The following SLC35D2 variants were observed in gnomAD, a reference collection of about 807,000 sequenced individuals.
SLC35D2 encodes solute carrier family 35 member D2, also known as nucleotide sugar transporter SLC35D2.
A neutral mutation model predicts 41.8 loss-of-function variants in SLC35D2; 43 were observed. The ratio of observed to expected loss-of-function variants is 1.03; its 90% CI spans 0.81 to 1.33. SLC35D2 has a LOEUF of 1.33. SLC35D2 is among the 40% of genes most tolerant of loss of function. SLC35D2 has a pLI of 0.00. For missense variants in SLC35D2, 380 were observed against 408.4 expected (o/e 0.93, Z 0.60); for synonymous variants, 150 against 163.9 (o/e 0.92, Z 0.65).
At chr9:96,324,947 A>G (rs1329137576) in intron 9 of SLC35D2, among the ~76,000 whole-genome samples, 2 of 152,136 alleles carry the variant, frequency 1.3e-5, no homozygotes, top group African/African-American at 4.8e-5. Flanking sequence ...GCACGATATG[A>G]AAGATCCTCA....
intron 8 of SLC35D2, among the ~76,000 whole-genome samples, chr9:96,341,774 T>C (rs918112710): frequency 6.6e-6 from 1 of 152,232 alleles, no homozygotes; most frequent in Admixed American, 6.5e-5. Flanking sequence ...AACAATGTTA[T>C]ACATTATTAA....
downstream of SLC35D2, among the ~76,000 whole-genome samples, chr9:96,317,376 A>G (rs1457688895): frequency 6.6e-6 from 1 of 152,076 alleles, no homozygotes; most frequent in Non-Finnish European, 1.5e-5. Flanking sequence ...GAGCCTTTCC[A>G]TACCACTTCT....
Position 96,321,331 on chromosome 9 carries a change from C to T in SLC35D2, c.925G>A (p.Gly309Ser). The part of the protein sequence containing the change: ...FVGLNICMAG[G>S]LRYSFLTLSS... ...AGTGTTAAAAAGGAATATCTCAAGCCCCCTGCCATGCTGAAAGGAGAAAAA... is the reference window on the plus strand; with the variant it reads ...AGTGTTAAAAAGGAATATCTCAAGCTCCCTGCCATGCTGAAAGGAGAAAAA... The change falls in exon 12 of 12, where the codon GGC (glycine) becomes AGC (serine). Residue 309 changes from glycine (G) to serine (S), a missense_variant. By Grantham distance (56) the Gly-to-Ser change is moderately conservative (BLOSUM62 0). Transcript: ENST00000253270. 1.9e-6 allele frequency: 3 copies of T among 1,613,368 alleles called. No homozygotes were observed. Among genetic ancestry groups the T allele is most frequent in the Non-Finnish European group, 2.5e-6 (3 of 1,179,520 alleles).
intron 9 of SLC35D2, among the ~76,000 whole-genome samples, chr9:96,329,275 G>A (rs1458107665): frequency 1.3e-5 from 2 of 151,818 alleles, no homozygotes; most frequent in African/African-American, 2.4e-5. Context: ...CTGTTGCCCA[G>A]GCTGGAGTGT....
At position 96,383,603 on chromosome 9, in the gene SLC35D2, C is replaced by T. The variant is rs1564135385; in HGVS notation, c.32G>A (p.Gly11Asp). The change falls in exon 1 of 12, where the codon GGC (glycine) becomes GAC (aspartate). Residue 11 changes from glycine to aspartate, a missense_variant. Coordinates refer to ENST00000253270, the MANE Select transcript of SLC35D2 (RefSeq NM_007001.3). ...CGCCGCGCCGGGCTCCCCGCCAGCG[C>T]CCTCGGCCTCGGCCTGGCCGCCGGC... MTAGGQAEAE[G>D]AGGEPGAARL... is the part of the protein sequence containing the mutation. 2 of 1,346,280 alleles carry T rather than the reference C, an allele frequency of 1.5e-6. No individual in the cohort carries two copies. Among genetic ancestry groups the T allele is most frequent in the Non-Finnish European group, 1.9e-6 (2 of 1,049,266 alleles). 83.4% of individuals were successfully genotyped at this position (1,346,280 alleles called of 1,614,324 possible).
At chr9:96,377,016 A>G (rs1463327821) in intron 1 of SLC35D2, among the ~76,000 whole-genome samples, 1 of 150,876 alleles carries the variant, frequency 6.6e-6, no homozygotes, top group Non-Finnish European at 1.5e-5. Flanking sequence ...AGACAAGTGC[A>G]TGCCAAAGTG....
At chr9:96,376,450 T>A (rs927984693) in intron 1 of SLC35D2, among the ~76,000 whole-genome samples, 4 of 147,234 alleles carry the variant, frequency 2.7e-5, no homozygotes, top group Non-Finnish European at 3.0e-5. Flanking sequence ...ACTAAAAAAA[T>A]ATATAAAAAT....
intron 7 of SLC35D2, among the ~76,000 whole-genome samples, chr9:96,344,994 G>A (rs557522721): frequency 6.6e-6 from 1 of 152,162 alleles, no homozygotes. Context: ...AACAAATATC[G>A]TGACCCCTGA....
chr9:96,344,223 G>A (rs912949459), intron 7 of SLC35D2, among the ~76,000 whole-genome samples: 3 of 151,934 alleles, frequency 2.0e-5, no homozygotes, highest in African/African-American at 7.2e-5. Context: ...AAAACGCATG[G>A]CAGTGGGAAG....
chr9:96,345,797 G>A (rs1829549585), intron 6 of SLC35D2, among the ~76,000 whole-genome samples: 1 of 152,202 alleles, frequency 6.6e-6, no homozygotes, highest in Admixed American at 6.5e-5. Context: ...GTGAGGGGCA[G>A]CTGGGCAGAG....
At chr9:96,320,119 G>A (rs1474076224), downstream of SLC35D2, among the ~76,000 whole-genome samples, 1 of 152,170 alleles carries the variant, frequency 6.6e-6, no homozygotes. Context: ...ATACACCAGG[G>A]GTTGGCGGTA....
chr9:96,320,611 G>A (rs1488713982), downstream of SLC35D2: 1 of 151,770 alleles, frequency 6.6e-6, no homozygotes, highest in Non-Finnish European at 1.5e-5. Flanking sequence ...GAGTCATAAA[G>A]GAGTCTGGAA....
chr9:96,368,492 A>C (rs1400681179), intron 1 of SLC35D2, among the ~76,000 whole-genome samples, 187 bp from the exon 2 acceptor site: 1 of 150,896 alleles, frequency 6.6e-6, no homozygotes. Flanking sequence ...CCAGGCTGGA[A>C]TGCAGTGGTG....
Position 96,343,952 on chromosome 9 carries a change from C to A in SLC35D2, c.636G>T (p.Met212Ile). 6.2e-7 allele frequency: 1 copy of A among 1,601,346 alleles called. No individual in the cohort carries two copies. Among genetic ancestry groups the A allele is most frequent in the South Asian group, 1.1e-5 (1 of 88,716 alleles). Residue 212 changes from methionine to isoleucine, a missense_variant, in exon 8 of 12, where the codon ATG becomes ATT. Coordinates refer to ENST00000253270, the MANE Select transcript of SLC35D2 (RefSeq NM_007001.3). ...CACTAATAATAAGAGTTGGGATAAT[C>A]ATGAAGCAGGCATTGTAGAAAAGTA... ...YGVLFYNACF[M>I]IIPTLIISVS...
intron 6 of SLC35D2, chr9:96,350,677 T>G (rs1219918408): frequency 1.3e-5 from 2 of 157,222 alleles, no homozygotes; most frequent in African/African-American, 4.8e-5. Flanking sequence ...TACAAATATA[T>G]TTAGCATTCT....
rs934843220 is a variant in SLC35D2 at position 96,357,994 on chromosome 9, C to T, written c.347+2160G>A. Among the ~76,000 whole-genome samples, 8 of 150,954 alleles carry T rather than the reference C, an allele frequency of 5.3e-5. No individual in the cohort carries two copies. In the South Asian group the frequency reaches 8.4e-4, roughly 16 times the overall value. The stretch of plus-strand genomic sequence containing the variant: ...GGTGAGGCTGCAAGTGAGCTGTGAT[C>T]GCACCACTGCATTCCAGCCTGGAGA... On this transcript the variant is annotated intron_variant, in intron 4 of 11. Coordinates refer to ENST00000253270, the MANE Select transcript of SLC35D2 (RefSeq NM_007001.3).
rs535792262 is a variant in SLC35D2, at chr9:96,375,997, C to T, written c.158+7480G>A. On this transcript the variant is annotated intron_variant, in intron 1 of 11. Transcript: ENST00000253270. ...CCAATATGGTGAAACCCCATCTCTACTAAAAATACAAAAATTGGCCGGGCA... is the reference window on the plus strand; with the variant it reads ...CCAATATGGTGAAACCCCATCTCTATTAAAAATACAAAAATTGGCCGGGCA... Among the ~76,000 whole-genome samples the T allele has an allele frequency of 4.6e-5, 7 of 151,888 alleles. 1 individual carries two copies. In the East Asian group the frequency reaches 1.2e-3, roughly 25 times the overall value.
chr9:96,351,166 T>C lies in SLC35D2; in HGVS notation c.425A>G (p.Gln142Arg). The change falls in exon 6 of 12, where the codon CAG becomes CGG. Residue 142 changes from glutamine (Q) to arginine (R), a missense_variant. By Grantham distance (43) the Gln-to-Arg change is conservative. Transcript: ENST00000253270. ...LLLETIILGK[Q>R]YSLNIILSVF... ...ACTGAGGATGATGTTGAGTGAATAC[T>C]GCTTCCTGTAATAAATACACAAATA... is the stretch of plus-strand genomic sequence containing the variant. The C allele has an allele frequency of 6.2e-7, 1 of 1,602,376 alleles. No individual in the cohort carries two copies. Among genetic ancestry groups the C allele is most frequent in the Non-Finnish European group, 8.6e-7 (1 of 1,169,304 alleles).
rs758943275 is a variant in SLC35D2 at position 96,321,296 on chromosome 9, C to T, written c.960G>A (p.Gln320=). 3 of 1,614,084 alleles carry T rather than the reference C, an allele frequency of 1.9e-6. No homozygotes were observed. Among genetic ancestry groups the T allele is most frequent in the Non-Finnish European group, 2.5e-6 (3 of 1,179,976 alleles). The change falls in exon 12 of 12, where the codon CAG becomes CAA. Residue 320 remains glutamine, a synonymous_variant. Coordinates refer to ENST00000253270, the MANE Select transcript of SLC35D2 (RefSeq NM_007001.3). ...CTTCACCCACAGGTTTAGGTTTTAACTGGCTGCTCAGTGTTAAAAAGGAAT... is the reference window on the plus strand; with the variant it reads ...CTTCACCCACAGGTTTAGGTTTTAATTGGCTGCTCAGTGTTAAAAAGGAAT... The part of the protein sequence containing the change: ...LRYSFLTLSS[Q]LKPKPVGEEN...
Sources: allele counts gnomAD v4.1 joint callset (sites outside exome capture counted in the v4.1 genomes callset), GRCh38; gene constraint gnomAD v4.1.1; transcripts MANE v1.5; gene names NCBI Gene and HGNC (gene_info 2026-07-23, HGNC 2026-07-21).